TMEM163: variants seen among roughly 807,000 people sequenced by gnomAD.
TMEM163 encodes the protein transmembrane protein 163.
In TMEM163, 17 loss-of-function variants were observed where a neutral mutation model predicts 29.3. That is an observed-to-expected ratio of 0.58 (90% CI 0.40 to 0.87). The LOEUF is 0.87. Among genes scored for constraint, TMEM163 ranks in the 40% least tolerant of loss-of-function variants. The pLI is 0.00. For missense variants in TMEM163, 303 were observed against 381.5 expected (o/e 0.79, Z 1.71); for synonymous variants, 157 against 160.6 (o/e 0.98, Z 0.17).
At chr2:134,466,441 T>TA (rs1686671011) in intron 5 of TMEM163, 1 of 533,030 alleles carries the variant, frequency 1.9e-6, no homozygotes, top group African/African-American at 1.9e-5. Flanking sequence ...TATATTTACT[T>TA]AAAAAACCAT....
At chr2:134,639,133 A>G (rs544114734) in intron 2 of TMEM163, among the ~76,000 whole-genome samples, 7 of 152,294 alleles carry the variant, frequency 4.6e-5, no homozygotes, top group African/African-American at 1.7e-4. Flanking sequence ...AAAAACACCA[A>G]AGGAAGCAAA....
chr2:134,541,973 CGGGGGTGGGA>C (rs2106503716), intron 4 of TMEM163, among the ~76,000 whole-genome samples: 1 of 152,250 alleles, frequency 6.6e-6, no homozygotes, highest in South Asian at 2.1e-4. Context: ...AGACCATGGG[CGGGGGTGGGA>C]ATGAAATTGA....
chr2:134,457,756 C>T (rs1686432073), intron 7 of TMEM163, among the ~76,000 whole-genome samples: 1 of 152,208 alleles, frequency 6.6e-6, no homozygotes, highest in Non-Finnish European at 1.5e-5. Flanking sequence ...GATGTCAGGA[C>T]ACGAAGGGTC....
chr2:134,461,174 G>A (rs973488100), intron 6 of TMEM163, among the ~76,000 whole-genome samples: 1 of 152,222 alleles, frequency 6.6e-6, no homozygotes, highest in Non-Finnish European at 1.5e-5. Context: ...ACACAGAAAT[G>A]TTATCAGTTT....
At chr2:134,461,666 T>TC (rs1283327623) in intron 6 of TMEM163, among the ~76,000 whole-genome samples, 5 of 152,152 alleles carry the variant, frequency 3.3e-5, no homozygotes, top group African/African-American at 1.2e-4. Context: ...GTCTGGAATT[T>TC]CCCCATCATC....
chr2:134,522,533 T>A (rs991096764), intron 4 of TMEM163, among the ~76,000 whole-genome samples: 8 of 152,240 alleles, frequency 5.3e-5, no homozygotes, highest in African/African-American at 1.9e-4. Context: ...CTCCCAAAAG[T>A]CCCACAACCA....
intron 2 of TMEM163, among the ~76,000 whole-genome samples, chr2:134,595,276 C>T (rs901500292): frequency 1.3e-5 from 2 of 152,144 alleles, no homozygotes; most frequent in African/African-American, 4.8e-5. Flanking sequence ...CCCCCAACCC[C>T]ACAACAGGCC....
intron 4 of TMEM163, among the ~76,000 whole-genome samples, chr2:134,511,283 G>A (rs1046591859): frequency 6.6e-6 from 1 of 152,166 alleles, no homozygotes; most frequent in African/African-American, 2.4e-5. Context: ...CAGGCAGAGG[G>A]ACAGTGAGTG....
chr2:134,497,327 ATAT>A (rs975740503), intron 5 of TMEM163, among the ~76,000 whole-genome samples: 9 of 152,218 alleles, frequency 5.9e-5, no homozygotes, highest in African/African-American at 1.9e-4. Flanking sequence ...ATGGTAGCCA[ATAT>A]TATTATTATT....
chr2:134,489,328 C>A (rs1224827788), intron 5 of TMEM163, among the ~76,000 whole-genome samples: 1 of 151,438 alleles, frequency 6.6e-6, no homozygotes, highest in Non-Finnish European at 1.5e-5. Context: ...ACCTGTAATC[C>A]CAGCACTTTG....
intron 2 of TMEM163, among the ~76,000 whole-genome samples, chr2:134,655,265 C>T (rs1472174919): frequency 7.2e-6 from 1 of 138,116 alleles, no homozygotes; most frequent in Non-Finnish European, 1.5e-5. Context: ...TCTTTTTTCT[C>T]TAACCTTCCC....
chr2:134,490,722 G>A (rs1679409854), intron 5 of TMEM163, among the ~76,000 whole-genome samples: 1 of 152,122 alleles, frequency 6.6e-6, no homozygotes, highest in Admixed American at 6.5e-5. Context: ...GTGACCACAT[G>A]GCTCCTATGA....
chr2:134,674,081 A>G (rs1684052344), intron 2 of TMEM163, among the ~76,000 whole-genome samples: 1 of 152,228 alleles, frequency 6.6e-6, no homozygotes. Flanking sequence ...ACTGCTATCA[A>G]GAAGGAAAAA....
intron 5 of TMEM163, among the ~76,000 whole-genome samples, chr2:134,500,358 T>TC (rs1679670745): frequency 6.6e-6 from 1 of 152,214 alleles, no homozygotes. Flanking sequence ...ACAGACACGG[T>TC]CAGCTGCCAC....
At chr2:134,669,945 C>T (rs1486796381) in intron 2 of TMEM163, among the ~76,000 whole-genome samples, 2 of 152,092 alleles carry the variant, frequency 1.3e-5, no homozygotes, top group Non-Finnish European at 2.9e-5. Context: ...GTGAGATGAC[C>T]CTAGCCCCAG....
At chr2:134,621,853 T>C (rs1018641196) in intron 2 of TMEM163, among the ~76,000 whole-genome samples, 9 of 151,970 alleles carry the variant, frequency 5.9e-5, no homozygotes, top group African/African-American at 2.2e-4. Context: ...ATGGTGCCAC[T>C]GTACTCCAGC....
intron 2 of TMEM163, among the ~76,000 whole-genome samples, chr2:134,681,645 C>G (rs1034546353): frequency 6.6e-6 from 1 of 152,210 alleles, no homozygotes; most frequent in Admixed American, 6.5e-5. Flanking sequence ...CTTCTTTTAG[C>G]AGAGCATCAC....
At chr2:134,702,675 T>TA (rs146940874) in intron 2 of TMEM163, among the ~76,000 whole-genome samples, 9,356 of 151,050 alleles carry the variant, frequency 0.062, 957 homozygotes, top group African/African-American at 0.21. Context: ...TAATTAAAAA[T>TA]AAAAAAAATT....
At chr2:134,712,342 CT>C (rs1271792644) in intron 2 of TMEM163, among the ~76,000 whole-genome samples, 6 of 152,112 alleles carry the variant, frequency 3.9e-5, no homozygotes, top group African/African-American at 1.4e-4. Flanking sequence ...CAGACATGTG[CT>C]TTTTTTCTCC....
Sources: allele counts gnomAD v4.1 joint callset (sites outside exome capture counted in the v4.1 genomes callset), GRCh38; gene constraint gnomAD v4.1.1; transcripts MANE v1.5; gene names NCBI Gene and HGNC (gene_info 2026-07-23, HGNC 2026-07-21).